MSH3: variants seen among roughly 807,000 people sequenced by gnomAD.
MSH3 encodes DNA mismatch repair protein Msh3.
In MSH3, 106 loss-of-function variants were observed where a neutral mutation model predicts 123.3. The ratio of observed to expected loss-of-function variants is 0.86; its 90% CI spans 0.73 to 1.01. The LOEUF is 1.01. Among genes scored for constraint, MSH3 ranks in the 50% least tolerant of loss-of-function variants. MSH3 has a pLI of 0.00. For missense variants in MSH3, 1,459 were observed against 1,347.6 expected, an observed-to-expected ratio of 1.08 and a Z score of -1.29; for synonymous variants, 515 against 481.4, an observed-to-expected ratio of 1.07 and a Z score of -0.91.
At chr5:80,695,978 AG>A (rs1415351806) in intron 8 of MSH3, among the ~76,000 whole-genome samples, 1 of 152,200 alleles carries the variant, frequency 6.6e-6, no homozygotes, top group Non-Finnish European at 1.5e-5. Context: ...TCAGCAGGGT[AG>A]GGGTGTGCTG....
In MSH3 at chr5:80,875,946, T is replaced by G; in HGVS notation, c.*84T>G. The G allele has an allele frequency of 2.5e-6, 2 of 811,810 alleles. No homozygotes were observed. Among genetic ancestry groups the G allele is most frequent in the Non-Finnish European group, 4.2e-6 (2 of 472,794 alleles). The allele number at this position is 811,810 out of a possible 1,614,324, so 50.3% of individuals were successfully genotyped here. ...TAACTCTCCAGTAACAGCCTATCTT[T>G]GTGTGACATGTGAGCATAAAATTAT... On this transcript the variant is annotated 3_prime_UTR_variant, in exon 24 of 24. Coordinates refer to ENST00000265081, the MANE Select transcript of MSH3 (RefSeq NM_002439.5).
chr5:80,657,726 A>T (rs1487019167), intron 2 of MSH3, among the ~76,000 whole-genome samples: 1 of 152,200 alleles, frequency 6.6e-6, no homozygotes, highest in East Asian at 1.9e-4. Context: ...TCCTTCCATA[A>T]AAGGTAAAAT....
chr5:80,816,093 A>G (rs1440348142), intron 20 of MSH3, among the ~76,000 whole-genome samples: 1 of 152,234 alleles, frequency 6.6e-6, no homozygotes, highest in Non-Finnish European at 1.5e-5. Flanking sequence ...TCATTTATTC[A>G]TTCATCCAAC....
At chr5:80,865,087 T>C in intron 22 of MSH3, 145 bp downstream of exon 22, 1 of 880,258 alleles carries the variant, frequency 1.1e-6, no homozygotes, top group Non-Finnish European at 1.8e-6. Flanking sequence ...TCATTTTTGC[T>C]AAGCTTTAGG....
intron 6 of MSH3, among the ~76,000 whole-genome samples, chr5:80,674,023 A>G (rs1749778466): frequency 1.3e-5 from 2 of 152,208 alleles, no homozygotes; most frequent in South Asian, 2.1e-4. Flanking sequence ...GTTTTGTTCC[A>G]TGAATACTAT....
intron 15 of MSH3, among the ~76,000 whole-genome samples, chr5:80,770,619 C>T (rs1226020973): frequency 6.6e-6 from 1 of 152,054 alleles, no homozygotes. Flanking sequence ...ACCCAAGGTC[C>T]GAAGCACAAA....
rs188645869 is a variant in MSH3, at chr5:80,765,399, G to A, written c.1897-2534G>A. Among the ~76,000 whole-genome samples the A allele has an allele frequency of 1.7e-3, 258 of 152,220 alleles. 2 individuals carry two copies. The highest frequency in any genetic ancestry group is 9.7e-4 in the Non-Finnish European group (66 of 68,024). ...TCCAGCTTCCTGTATAGGGTGGGGA[G>A]GGGGTCTTTCTGGAGAAAAGTTGCC... On this transcript the variant is annotated intron_variant, in intron 13 of 23. Transcript: ENST00000265081.
chr5:80,783,200 A>T (rs779343940), intron 17 of MSH3, among the ~76,000 whole-genome samples: 1 of 152,196 alleles, frequency 6.6e-6, no homozygotes. Context: ...TCTGCTTCCT[A>T]TGGACCCAGC....
intron 22 of MSH3, among the ~76,000 whole-genome samples, chr5:80,872,780 C>G (rs1746244066): frequency 6.6e-6 from 1 of 152,134 alleles, no homozygotes; most frequent in Admixed American, 6.5e-5. Context: ...GCACTCCAGC[C>G]TAGGTAATAG....
chr5:80,707,581 A>C (rs1156552436), intron 8 of MSH3, among the ~76,000 whole-genome samples: 3 of 151,936 alleles, frequency 2.0e-5, no homozygotes, highest in Non-Finnish European at 4.4e-5. Flanking sequence ...AAAAAACCCC[A>C]AAAAGCCAGA....
intron 20 of MSH3, among the ~76,000 whole-genome samples, chr5:80,836,545 A>C (rs79543402): frequency 9.4e-5 from 2 of 21,342 alleles, no homozygotes; most frequent in African/African-American, 1.5e-4. Context: ...ATATGCCACA[A>C]AAAAAAAAAA....
chr5:80,794,051 T>C (rs1406438351), intron 19 of MSH3, among the ~76,000 whole-genome samples: 1 of 152,198 alleles, frequency 6.6e-6, no homozygotes, highest in Non-Finnish European at 1.5e-5. Flanking sequence ...GGTGTGGTTA[T>C]TTGAAACCTA....
intron 12 of MSH3, among the ~76,000 whole-genome samples, chr5:80,745,769 A>G (rs765225371): frequency 2.0e-5 from 3 of 152,210 alleles, no homozygotes; most frequent in Non-Finnish European, 4.4e-5. Flanking sequence ...TCTTTATCTC[A>G]CACCACACAG....
At chr5:80,706,290 G>A (rs181163568) in intron 8 of MSH3, among the ~76,000 whole-genome samples, 85 of 152,242 alleles carry the variant, frequency 5.6e-4, no homozygotes, top group African/African-American at 1.6e-3. Flanking sequence ...CTCAAAAGGC[G>A]TATGATTGAG....
intron 8 of MSH3, among the ~76,000 whole-genome samples, chr5:80,721,181 C>T (rs1363417131): frequency 6.6e-6 from 1 of 152,192 alleles, no homozygotes; most frequent in Non-Finnish European, 1.5e-5. Flanking sequence ...CATTTTGCTG[C>T]ATATTGTCAA....
chr5:80,742,229 C>G (rs369101425), intron 11 of MSH3, among the ~76,000 whole-genome samples: 1 of 152,120 alleles, frequency 6.6e-6, no homozygotes, highest in Non-Finnish European at 1.5e-5. Context: ...AGGCTGGTCT[C>G]GAACTGTTGA....
intron 13 of MSH3, among the ~76,000 whole-genome samples, chr5:80,764,388 T>C (rs1744089550): frequency 6.6e-6 from 1 of 152,154 alleles, no homozygotes; most frequent in African/African-American, 2.4e-5. Context: ...TCTTCTTTTT[T>C]TTTTTGAAAC....
rs756300808 is a variant in MSH3, at chr5:80,761,652, G to A, written c.1870G>A (p.Gly624Arg). The A allele has an allele frequency of 6.8e-6, 11 of 1,613,740 alleles. No homozygotes were observed. In the African/African-American group the frequency reaches 8.0e-5, roughly 12 times the overall value. Residue 624 changes from glycine to arginine, a missense_variant, in exon 13 of 24, where the codon GGA becomes AGA. Physicochemically the swap from Gly to Arg is moderately radical, Grantham distance 125. Coordinates refer to ENST00000265081, the MANE Select transcript of MSH3 (RefSeq NM_002439.5). ...HLRKLPDIER[G>R]LCSIYHKKCS... The stretch of plus-strand genomic sequence containing the variant: ...ACGTAAATTGCCCGACATAGAGAGG[G>A]GACTCTGTAGCATTTATCACAAAAA...
chr5:80,742,072 C>A (rs763632741), intron 11 of MSH3, among the ~76,000 whole-genome samples: 1 of 151,138 alleles, frequency 6.6e-6, no homozygotes, highest in East Asian at 1.9e-4. Context: ...TGAAGTGATG[C>A]GATATTGGCT....
Sources: gnomAD v4.1 joint callset for allele counts (sites outside exome capture counted in the v4.1 genomes callset) on GRCh38, gnomAD v4.1.1 for gene constraint, MANE v1.5 for transcripts, NCBI Gene and HGNC (gene_info 2026-07-23, HGNC 2026-07-21) for gene names.